The following POLR2F variants were observed in gnomAD, a reference collection of about 807,000 sequenced individuals.
POLR2F encodes RNA polymerase II, I and III subunit F, also known as DNA-directed RNA polymerases I, II, and III subunit RPABC2.
Under a neutral mutation model 22.7 loss-of-function variants are expected in POLR2F, and 12 were observed. That is an observed-to-expected ratio of 0.53 (90% confidence interval 0.34 to 0.86). The LOEUF is 0.86. Ranked by LOEUF, POLR2F falls within the 40% of genes least tolerant of loss-of-function variation. POLR2F has a pLI of 0.02. For missense variants in POLR2F, 126 were observed against 171.5 expected (o/e 0.73, Z 1.48); for synonymous variants, 57 against 66.0 (o/e 0.86, Z 0.66).
chr22:38,025,410 CCCA>C (rs2084998230), intron 1 of POLR2F, among the ~76,000 whole-genome samples: 1 of 152,146 alleles, frequency 6.6e-6, no homozygotes, highest in Admixed American at 6.5e-5. Flanking sequence ...CATACACATG[CCCA>C]CAACTCACAG....
At chr22:37,955,261 G>A (rs867056951) in intron 1 of POLR2F, among the ~76,000 whole-genome samples, 1 of 150,108 alleles carries the variant, frequency 6.7e-6, no homozygotes. Context: ...TGATGGGGCC[G>A]GGTGCTGTGG....
intron 4 of POLR2F, among the ~76,000 whole-genome samples, chr22:37,975,195 G>A (rs1932186359): frequency 6.6e-6 from 1 of 152,196 alleles, no homozygotes; most frequent in Non-Finnish European, 1.5e-5. Context: ...GCCAGGTGCT[G>A]GGGATACTAA....
chr22:38,014,908 C>T (rs1446377626), intron 1 of POLR2F, among the ~76,000 whole-genome samples: 1 of 149,534 alleles, frequency 6.7e-6, no homozygotes, highest in African/African-American at 2.5e-5. Context: ...CCTGGGTTCA[C>T]GCCATTCTCC....
At chr22:37,993,322 T>C (rs1355888329) in intron 1 of POLR2F, among the ~76,000 whole-genome samples, 1 of 152,080 alleles carries the variant, frequency 6.6e-6, no homozygotes, top group African/African-American at 2.4e-5. Flanking sequence ...TCCTTGTCAT[T>C]TTCCTCTGTG....
rs2084925887 is a variant in POLR2F, at chr22:38,017,591, AAGAGCTC to A, written c.121-8272_121-8266del. Among the ~76,000 whole-genome samples, 1 of 152,084 alleles carries A rather than the reference AAGAGCTC, an allele frequency of 6.6e-6. No homozygotes were observed. Among genetic ancestry groups the A allele is most frequent in the Admixed American group, 6.6e-5 (1 of 15,256 alleles). ...CTAGGGCTATGTCCAGGTTGTAGGG[AAGAGCTC>A]AGAGCACCTGAATGGGTCATGCAGT... On this transcript the variant is annotated intron_variant, in intron 1 of 2. Coordinates refer to the POLR2F transcript ENST00000333418. The surrounding 1 kb of genome is among the most constrained non-coding windows in gnomAD (Gnocchi z 4.1).
upstream of POLR2F, chr22:37,983,560 G>T: frequency 1.2e-6 from 2 of 1,610,252 alleles, no homozygotes; most frequent in Non-Finnish European, 1.7e-6. The surrounding 1 kb of genome is among the most constrained non-coding windows in gnomAD (Gnocchi z 9.5). Flanking sequence ...CCTGGCTGAC[G>T]GCCTCGCGGA....
chr22:37,959,992 C>CG (rs1931564989), intron 3 of POLR2F, among the ~76,000 whole-genome samples: 1 of 151,632 alleles, frequency 6.6e-6, no homozygotes, highest in African/African-American at 2.4e-5. Context: ...TTAATAGAGA[C>CG]GGGGTCTCGC....
Position 37,980,339 on chromosome 22 carries a change from T to C in POLR2F, c.293+13169T>C, listed in dbSNP as rs1441426248. On this transcript the variant is annotated intron_variant, in intron 4 of 4. Coordinates refer to the POLR2F transcript ENST00000405557. This position sits in a 1 kb window ranked among gnomAD's most constrained non-coding sequence, Gnocchi z 4.1. ...TGGCTGGGGACATGGGACACAGAGCTCACTCTTTCACCTATCCTTCCCTTG... is the reference window on the plus strand; with the variant it reads ...TGGCTGGGGACATGGGACACAGAGCCCACTCTTTCACCTATCCTTCCCTTG... 6.6e-6 allele frequency among the ~76,000 whole-genome samples: 1 copy of C among 151,964 alleles called. No homozygotes were observed. The highest frequency in any genetic ancestry group is 1.5e-5 in the Non-Finnish European group (1 of 67,970).
chr22:37,953,855 G>A (rs1419670091), intron 1 of POLR2F, 48 bp downstream of exon 1: 2 of 1,594,930 alleles, frequency 1.3e-6, no homozygotes, highest in Middle Eastern at 1.8e-4. Context: ...GGAAGGGGCG[G>A]ATGAGGCAAG....
downstream of POLR2F, among the ~76,000 whole-genome samples, chr22:38,029,878 GA>G (rs2085048625): frequency 6.6e-6 from 1 of 152,210 alleles, no homozygotes; most frequent in Admixed American, 6.5e-5. Flanking sequence ...ATTCAGCCAA[GA>G]AACATTGATT....
chr22:38,015,054 C>T (rs1331416480), intron 1 of POLR2F, among the ~76,000 whole-genome samples: 1 of 152,154 alleles, frequency 6.6e-6, no homozygotes, highest in African/African-American at 2.4e-5. Flanking sequence ...GATCCACCCG[C>T]CTCAGCCTCC....
chr22:37,999,266 G>T (rs1161234246), intron 1 of POLR2F, among the ~76,000 whole-genome samples: 1 of 152,152 alleles, frequency 6.6e-6, no homozygotes, highest in Non-Finnish European at 1.5e-5. Context: ...AGCCCCACTT[G>T]CCTGGCTCCA....
At chr22:37,973,230 C>T (rs1394838319), downstream of POLR2F, 4 of 447,030 alleles carry the variant, frequency 8.9e-6, no homozygotes, top group Non-Finnish European at 1.2e-5. Context: ...GGGGAAGGTG[C>T]AGCCCCTCAT....
intron 1 of POLR2F, among the ~76,000 whole-genome samples, chr22:38,003,272 G>A (rs2145801441): frequency 6.6e-6 from 1 of 152,208 alleles, no homozygotes; most frequent in Non-Finnish European, 1.5e-5. Context: ...TGTTGCCCAG[G>A]CTGGAGTGCA....
chr22:37,990,203 TGGGGGA>T (rs1389215566), intron 1 of POLR2F, among the ~76,000 whole-genome samples: 2 of 152,264 alleles, frequency 1.3e-5, no homozygotes, highest in East Asian at 3.9e-4. Context: ...GTCTGAGCTC[TGGGGGA>T]GGAGGATGGC....
At chr22:37,989,252 T>C (rs914356292) in intron 1 of POLR2F, among the ~76,000 whole-genome samples, 3 of 152,042 alleles carry the variant, frequency 2.0e-5, no homozygotes, top group Non-Finnish European at 4.4e-5. Flanking sequence ...TATCCCCAAG[T>C]GATGAGAGAA....
At chr22:37,956,188 C>G (rs1441481425) in intron 1 of POLR2F, among the ~76,000 whole-genome samples, 1 of 151,936 alleles carries the variant, frequency 6.6e-6, no homozygotes, top group African/African-American at 2.4e-5. Flanking sequence ...CTCCTGGGTT[C>G]AAGTGATTCT....
chr22:37,966,986 C>T, intron 3 of POLR2F, 113 bp from the exon 4 acceptor site: 1 of 719,470 alleles, frequency 1.4e-6, no homozygotes, highest in Non-Finnish European at 2.3e-6. Context: ...TGCCTGCCTA[C>T]CTAGAAGATG....
At chr22:37,957,764 C>T (rs1005697122) in intron 2 of POLR2F, among the ~76,000 whole-genome samples, 1 of 152,100 alleles carries the variant, frequency 6.6e-6, no homozygotes, top group Non-Finnish European at 1.5e-5. Context: ...TATTGCTTTT[C>T]AGCCACATTC....
Sources: gnomAD v4.1 joint callset for allele counts (sites outside exome capture counted in the v4.1 genomes callset) on GRCh38, gnomAD v4.1.1 for gene constraint, Gnocchi (gnomAD v3.1) non-coding constraint, MANE v1.5 for transcripts, NCBI Gene and HGNC (gene_info 2026-07-23, HGNC 2026-07-21) for gene names.